CPLX1: variants seen among roughly 807,000 people sequenced by gnomAD.
CPLX1 encodes the protein complexin-1.
CPLX1 carries 6 observed loss-of-function variants against 15.6 expected under a neutral mutation model. The observed-to-expected ratio is 0.39, with a 90% CI of 0.21 to 0.76. CPLX1 has a LOEUF of 0.76. Ranked by LOEUF, CPLX1 falls within the 30% of genes least tolerant of loss-of-function variation. CPLX1 has a pLI of 0.43. For missense variants in CPLX1, 242 were observed against 188.6 expected (o/e 1.28, Z -1.66); for synonymous variants, 91 against 75.2 (o/e 1.21, Z -1.08).
intron 2 of CPLX1, among the ~76,000 whole-genome samples, chr4:820,247 A>G (rs1438748206): frequency 2.6e-5 from 4 of 151,844 alleles, no homozygotes; most frequent in Non-Finnish European, 5.9e-5. Context: ...GACCCAGCTC[A>G]GCCCAGCCTG....
At chr4:791,061 G>A (rs1018456100) in intron 3 of CPLX1, among the ~76,000 whole-genome samples, 9 of 151,246 alleles carry the variant, frequency 6.0e-5, no homozygotes, top group African/African-American at 1.9e-4. Context: ...TCCTGTCCCC[G>A]TCTCCCGCTC....
intron 2 of CPLX1, among the ~76,000 whole-genome samples, chr4:816,127 C>G (rs1746751180): frequency 2.0e-5 from 3 of 152,126 alleles, no homozygotes; most frequent in African/African-American, 7.2e-5. Context: ...ACTGACTGCA[C>G]TCACTAGTCC....
At chr4:819,658 C>A (rs1341385101) in intron 2 of CPLX1, among the ~76,000 whole-genome samples, 2 of 138,056 alleles carry the variant, frequency 1.4e-5, no homozygotes, top group Non-Finnish European at 3.2e-5. Flanking sequence ...CTGTGGGACG[C>A]CTGCCCAACA....
intron 2 of CPLX1, among the ~76,000 whole-genome samples, chr4:808,398 A>G (rs1014482304): frequency 6.6e-6 from 1 of 152,186 alleles, no homozygotes; most frequent in African/African-American, 2.4e-5. Flanking sequence ...GCGGCATGTC[A>G]GGGGTGGCCC....
chr4:788,284 A>C, intron 3 of CPLX1: 5 of 984,978 alleles, frequency 5.1e-6, no homozygotes, highest in Non-Finnish European at 6.0e-6. Flanking sequence ...CCCCAACCCC[A>C]CCGAGGGCAG....
At chr4:814,227 T>G (rs920322840) in intron 2 of CPLX1, among the ~76,000 whole-genome samples, 19 of 152,198 alleles carry the variant, frequency 1.2e-4, no homozygotes, top group African/African-American at 4.1e-4. Context: ...TGATTTTTTT[T>G]TTTTAAGACG....
chr4:804,628 A>C (rs1746519644), intron 2 of CPLX1: 2 of 557,848 alleles, frequency 3.6e-6, no homozygotes, highest in Non-Finnish European at 2.3e-6. Context: ...TGTAATCCGG[A>C]TCGCACCTTC....
At chr4:795,291 G>A (rs2152643877) in intron 2 of CPLX1, among the ~76,000 whole-genome samples, 1 of 152,374 alleles carries the variant, frequency 6.6e-6, no homozygotes, top group Middle Eastern at 3.4e-3. Context: ...CGCCGGAGCG[G>A]CGAGACCGGC....
At chr4:822,260 C>G (rs1746883150) in intron 2 of CPLX1, among the ~76,000 whole-genome samples, 1 of 148,120 alleles carries the variant, frequency 6.8e-6, no homozygotes, top group South Asian at 2.2e-4. Flanking sequence ...CCACCTCTCC[C>G]TCTGCCTCTC....
intron 2 of CPLX1, among the ~76,000 whole-genome samples, chr4:796,713 G>T (rs2152644365): frequency 6.6e-6 from 1 of 152,308 alleles, no homozygotes; most frequent in East Asian, 1.9e-4. Flanking sequence ...TCTGGCCAGG[G>T]TAACTCCACA....
At chr4:817,026 T>C (rs1173394201) in intron 2 of CPLX1, among the ~76,000 whole-genome samples, 2 of 152,014 alleles carry the variant, frequency 1.3e-5, no homozygotes, top group Non-Finnish European at 2.9e-5. Flanking sequence ...CTACATTAAG[T>C]TAAAATAAAT....
chr4:823,294 C>T (rs920580117), intron 2 of CPLX1, among the ~76,000 whole-genome samples: 1 of 152,178 alleles, frequency 6.6e-6, no homozygotes, highest in African/African-American at 2.4e-5. Flanking sequence ...AGGGATGTGG[C>T]CCCAGGACAG....
At chr4:800,008 G>A (rs2152645008) in intron 2 of CPLX1, among the ~76,000 whole-genome samples, 1 of 152,304 alleles carries the variant, frequency 6.6e-6, no homozygotes, top group East Asian at 1.9e-4. Context: ...TAGGGTCCTG[G>A]ACTTGCGACT....
chr4:809,015 CG>C (rs1560243996), intron 2 of CPLX1, among the ~76,000 whole-genome samples: 2 of 152,270 alleles, frequency 1.3e-5, no homozygotes, highest in African/African-American at 2.4e-5. Context: ...CGCGAGTGCG[CG>C]GGCGGCAGGC....
chr4:811,751 C>A (rs1746668760), intron 2 of CPLX1, among the ~76,000 whole-genome samples: 1 of 152,312 alleles, frequency 6.6e-6, no homozygotes, highest in Admixed American at 6.5e-5. Flanking sequence ...GCTGGCTGTG[C>A]TGCTCAAGTC....
chr4:787,668 C>G, intron 3 of CPLX1: 9 of 983,656 alleles, frequency 9.1e-6, no homozygotes, highest in Non-Finnish European at 7.2e-6. Flanking sequence ...TCCCCCAGAG[C>G]CTCCAGAGGG....
At chr4:788,088 G>C (rs1029815018) in intron 3 of CPLX1, 2 of 985,262 alleles carry the variant, frequency 2.0e-6, no homozygotes, top group African/African-American at 3.5e-5. Context: ...AGCACACCGC[G>C]GGATCACCAG....
At chr4:787,449 G>A in intron 3 of CPLX1, 1 of 923,014 alleles carries the variant, frequency 1.1e-6, no homozygotes, top group Non-Finnish European at 1.3e-6. Context: ...TTCGGAAACA[G>A]GTCTTTGTTG....
intron 3 of CPLX1, chr4:786,978 C>T (rs927173899): frequency 9.1e-6 from 9 of 985,254 alleles, no homozygotes; most frequent in Non-Finnish European, 4.8e-6. Context: ...GCTGTGGCCC[C>T]ACCTCTGGCT....
Sources: allele counts gnomAD v4.1 joint callset (sites outside exome capture counted in the v4.1 genomes callset), GRCh38; gene constraint gnomAD v4.1.1; transcripts MANE v1.5; gene names NCBI Gene and HGNC (gene_info 2026-07-23, HGNC 2026-07-21).